PYHIN1: variants seen among roughly 807,000 people sequenced by gnomAD.
PYHIN1 encodes pyrin and HIN domain-containing protein 1.
A neutral mutation model predicts 43.7 loss-of-function variants in PYHIN1; 32 were observed. The ratio of observed to expected loss-of-function variants is 0.73; its 90% CI spans 0.55 to 0.98. The LOEUF is 0.98. Among genes scored for constraint, PYHIN1 ranks in the 50% least tolerant of loss-of-function variants. The pLI, the probability that PYHIN1 is intolerant of heterozygous loss-of-function variation, is 0.00. For missense variants in PYHIN1, 588 were observed against 589.5 expected (o/e 1.00, Z 0.03); for synonymous variants, 205 against 203.1 (o/e 1.01, Z -0.08).
chr1:158,981,239 G>A (rs932116285), downstream of PYHIN1, among the ~76,000 whole-genome samples: 17 of 152,184 alleles, frequency 1.1e-4, no homozygotes, highest in African/African-American at 3.1e-4. Context: ...GGAGGCTGAG[G>A]TGGGTGGATC....
At chr1:158,984,549 T>G in the PYHIN1 span, among the ~76,000 whole-genome samples, 1 of 152,170 alleles carries the variant, frequency 6.6e-6, no homozygotes, top group South Asian at 2.1e-4. Flanking sequence ...TTCCTGAGCA[T>G]TGCTTTATGG....
intron 2 of PYHIN1, among the ~76,000 whole-genome samples, 162 bp from the exon 3 acceptor site, chr1:158,938,235 C>G (rs1191471464): frequency 6.6e-6 from 1 of 152,162 alleles, no homozygotes; most frequent in Non-Finnish European, 1.5e-5. Flanking sequence ...CTTTGTTTCT[C>G]CTGCTGGCCT....
At chr1:158,983,537 T>C in the PYHIN1 span, among the ~76,000 whole-genome samples, 7 of 151,580 alleles carry the variant, frequency 4.6e-5, no homozygotes, top group African/African-American at 1.7e-4. Flanking sequence ...GGATTTAGTT[T>C]GCTAGTATTT....
chr1:158,943,969 T>C lies in PYHIN1; in HGVS notation c.1182T>C (p.Ser394=). 1 of 1,592,618 alleles carries C rather than the reference T, an allele frequency of 6.3e-7. No homozygotes were observed. The highest frequency in any genetic ancestry group is 8.6e-7 in the Non-Finnish European group (1 of 1,166,194). The part of the protein sequence containing the change: ...NMSKLMSEMH[S]FIQIQKNTNQ... ...CAAAACTGATGTCAGAAATGCATAG[T>C]TTCATCCAGGTGAGAAATAAAGAAA... Residue 394 remains serine, a synonymous_variant, in exon 6 of 9, where the codon AGT becomes AGC. Coordinates refer to ENST00000368140, the MANE Select transcript of PYHIN1 (RefSeq NM_152501.5).
intron 5 of PYHIN1, among the ~76,000 whole-genome samples, chr1:158,943,003 C>T (rs531839537): frequency 6.6e-6 from 1 of 151,816 alleles, no homozygotes; most frequent in Non-Finnish European, 1.5e-5. Flanking sequence ...TTAGATATGT[C>T]GCAAAAAAAG....
the PYHIN1 span, among the ~76,000 whole-genome samples, chr1:158,982,891 TTG>T: frequency 6.6e-6 from 1 of 152,078 alleles, no homozygotes; most frequent in East Asian, 1.9e-4. Flanking sequence ...TGTTTATTCT[TTG>T]TGTGGCTATT....
At chr1:158,980,033 C>G (rs989580339), downstream of PYHIN1, among the ~76,000 whole-genome samples, 1 of 152,300 alleles carries the variant, frequency 6.6e-6, no homozygotes, top group Middle Eastern at 3.4e-3. Context: ...TGCCTTGCAG[C>G]TGCATCTATG....
chr1:158,973,359 C>T (rs1038058327), intron 7 of PYHIN1, among the ~76,000 whole-genome samples: 3 of 151,918 alleles, frequency 2.0e-5, no homozygotes, highest in African/African-American at 7.3e-5. Flanking sequence ...CAAATAGACC[C>T]CATGCCTAAT....
chr1:158,974,826 A>G (rs976679148), intron 8 of PYHIN1, among the ~76,000 whole-genome samples: 3 of 152,092 alleles, frequency 2.0e-5, no homozygotes, highest in African/African-American at 7.2e-5. Context: ...TTAGGTGACC[A>G]TGGATGGAAC....
chr1:158,986,039 C>T, the PYHIN1 span, among the ~76,000 whole-genome samples: 6 of 152,086 alleles, frequency 3.9e-5, no homozygotes, highest in Admixed American at 2.0e-4. Context: ...GCTATTTTAT[C>T]TTTAAGCTTT....
the PYHIN1 span, among the ~76,000 whole-genome samples, chr1:158,982,407 C>A: frequency 6.6e-6 from 1 of 152,026 alleles, no homozygotes; most frequent in Admixed American, 6.6e-5. Context: ...AGTACTGTTT[C>A]CATTACTTGT....
chr1:158,952,379 T>A (rs1182253502), intron 7 of PYHIN1, among the ~76,000 whole-genome samples: 2 of 2,350 alleles, frequency 8.5e-4, no homozygotes, highest in Non-Finnish European at 0.011. Context: ...TTTATAAGCG[T>A]TAAAAAAAAA....
chr1:158,950,774 C>T (rs761132570), intron 7 of PYHIN1, among the ~76,000 whole-genome samples: 24 of 152,118 alleles, frequency 1.6e-4, no homozygotes, highest in Non-Finnish European at 2.8e-4. Flanking sequence ...GGAGTCGGCA[C>T]GTTCTACCAT....
chr1:158,956,852 A>C, intron 7 of PYHIN1, among the ~76,000 whole-genome samples: 1 of 131,902 alleles, frequency 7.6e-6, no homozygotes, highest in Non-Finnish European at 1.6e-5. Context: ...TATCTAGAAA[A>C]CCCCATTGTC....
intron 7 of PYHIN1, among the ~76,000 whole-genome samples, chr1:158,957,076 T>C (rs1280867337): frequency 3.4e-5 from 5 of 147,776 alleles, no homozygotes; most frequent in East Asian, 2.0e-4. Context: ...CAAGGAGACC[T>C]ACAAACCACT....
chr1:158,942,451 A>G (rs985276672), intron 5 of PYHIN1, 52 bp downstream of exon 5: 8 of 1,419,108 alleles, frequency 5.6e-6, no homozygotes, highest in Non-Finnish European at 7.6e-6. Context: ...ACTTGAAATT[A>G]AAAGCCCTGA....
chr1:158,988,220 T>A, the PYHIN1 span, among the ~76,000 whole-genome samples: 1 of 152,144 alleles, frequency 6.6e-6, no homozygotes, highest in African/African-American at 2.4e-5. Flanking sequence ...TTTGGAAAAG[T>A]GACATGGGGT....
At position 158,937,130 on chromosome 1, in the gene PYHIN1, A is replaced by G; in HGVS notation, c.220A>G (p.Thr74Ala). Residue 74 changes from threonine (T) to alanine (A), a missense_variant, in exon 2 of 9, where the codon ACA (threonine) becomes GCA (alanine). Transcript: ENST00000368140. The stretch of plus-strand genomic sequence containing the variant: ...AATAGAATTCTTCAAAGAAATACCA[A>G]CACTGGGAGACCTTGCTGAAACTCT... ...KLIEFFKEIP[T>A]LGDLAETLKR... 5 of 1,607,472 alleles carry G rather than the reference A, an allele frequency of 3.1e-6. No individual in the cohort carries two copies. The South Asian group carries it at 5.6e-5, about 18-fold the overall frequency.
At chr1:158,979,810 A>G (rs1346594623), downstream of PYHIN1, among the ~76,000 whole-genome samples, 1 of 152,132 alleles carries the variant, frequency 6.6e-6, no homozygotes, top group Non-Finnish European at 1.5e-5. Flanking sequence ...TGGGATTGGC[A>G]TACAAATGAT....
Sources: allele counts gnomAD v4.1 joint callset (sites outside exome capture counted in the v4.1 genomes callset), GRCh38; gene constraint gnomAD v4.1.1; transcripts MANE v1.5; gene names NCBI Gene and HGNC (gene_info 2026-07-23, HGNC 2026-07-21).